NEB: variants seen among roughly 807,000 people sequenced by gnomAD.
NEB encodes nemaline myopathy type 2.
Under a neutral mutation model 952.2 loss-of-function variants are expected in NEB, and 512 were observed. The observed-to-expected ratio is 0.54, with a 90% confidence interval of 0.50 to 0.58. The LOEUF is 0.58. Ranked by LOEUF, NEB falls within the 20% of genes least tolerant of loss-of-function variation. The pLI is 0.00. For missense variants in NEB, 8,428 were observed against 9,231.1 expected (o/e 0.91, Z 3.56); for synonymous variants, 2,900 against 3,149.8 (o/e 0.92, Z 2.66).
chr2:151,509,835 C>T (rs948617781), intron 161 of NEB, among the ~76,000 whole-genome samples: 1 of 152,244 alleles, frequency 6.6e-6, no homozygotes, highest in East Asian at 1.9e-4. Flanking sequence ...GTCTCAATCT[C>T]CTGACCTCAT....
chr2:151,732,362 G>A (rs2151110580), intron 3 of NEB, among the ~76,000 whole-genome samples: 2 of 152,290 alleles, frequency 1.3e-5, no homozygotes, highest in Middle Eastern at 3.4e-3. Context: ...ACAAAAGGAT[G>A]TAAAATAAAT....
Position 151,636,282 on chromosome 2 carries a change from C to G in NEB, c.9047G>C (p.Arg3016Pro). 6.2e-7 allele frequency: 1 copy of G among 1,609,982 alleles called. No individual in the cohort carries two copies. Among genetic ancestry groups the G allele is most frequent in the Non-Finnish European group, 8.5e-7 (1 of 1,179,740 alleles). ...CGCCACGATGGGGATGGCGTCGCTT[C>G]GCAAGTCATAGCCTTTCTTCTTTGC... Reference protein sequence around the residue: ...EEAKKKGYDLRSDAIPIVAAK... With the variant: ...EEAKKKGYDLPSDAIPIVAAK... The change falls in exon 64 of 182, where the codon CGA (arginine) becomes CCA (proline). Residue 3016 changes from arginine to proline, a missense_variant. Around this residue, in one of 11 missense-constraint regions of NEB, gnomAD observed 1,772 missense variants for 1,960.3 expected, o/e 0.90. Transcript: ENST00000397345.
intron 58 of NEB, 55 bp from the exon 59 acceptor site, chr2:151,642,924 C>A: frequency 7.3e-7 from 1 of 1,374,632 alleles, no homozygotes; most frequent in Non-Finnish European, 1.0e-6. Context: ...TAGACACATG[C>A]AGACAGTCTG....
chr2:151,546,287 T>G (rs1576992652), intron 134 of NEB, 58 bp downstream of exon 134: 1 of 1,360,990 alleles, frequency 7.3e-7, no homozygotes. Context: ...TGGAGGCTGG[T>G]GATGGGGGCA....
chr2:151,535,076 T>C (rs2092830117), intron 142 of NEB, among the ~76,000 whole-genome samples: 1 of 152,352 alleles, frequency 6.6e-6, no homozygotes, highest in African/African-American at 2.4e-5. Flanking sequence ...AATAAATTCA[T>C]AGCTTGTTTA....
intron 169 of NEB, among the ~76,000 whole-genome samples, chr2:151,498,732 G>C (rs1462610079): frequency 1.3e-5 from 2 of 151,946 alleles, no homozygotes; most frequent in Non-Finnish European, 1.5e-5. Context: ...AATCACATAG[G>C]GATATTTGGG....
chr2:151,726,933 C>A (rs1210117264), intron 5 of NEB, among the ~76,000 whole-genome samples: 1 of 151,694 alleles, frequency 6.6e-6, no homozygotes, highest in African/African-American at 2.4e-5. Flanking sequence ...TCCTGTAGTC[C>A]TAGCTACTAG....
In NEB at chr2:151,677,659, T is replaced by C; in HGVS notation, c.3680A>G (p.Lys1227Arg). Residue 1227 changes from lysine to arginine, a missense_variant, in exon 34 of 182, where the codon AAG becomes AGG. Coordinates refer to ENST00000397345, the MANE Select transcript of NEB (RefSeq NM_001164508.2). ...GAGGGTGTCTGGATGTTGCCTGTAC[T>C]TCTTTTCATTCAGAGCATCACCGGC... ...KKAGDALNEK[K>R]YRQHPDTLKF... The C allele has an allele frequency of 6.2e-7, 1 of 1,614,002 alleles. No individual in the cohort carries two copies. The highest frequency in any genetic ancestry group is 8.5e-7 in the Non-Finnish European group (1 of 1,179,888).
intron 156 of NEB, 65 bp from the exon 157 acceptor site, chr2:151,516,628 T>C (rs1339138557): frequency 9.5e-7 from 1 of 1,053,226 alleles, no homozygotes; most frequent in Non-Finnish European, 1.4e-6. Context: ...AGTTTAAGGA[T>C]AGTATTTTTT....
rs1259387792 is a variant in NEB, at chr2:151,690,859, GTA to G, written c.2212-36_2212-35del. 3 of 1,442,802 alleles carry G rather than the reference GTA, an allele frequency of 2.1e-6. No homozygotes were observed. The African/African-American group carries it at 4.2e-5, about 20-fold the overall frequency. The allele number at this position is 1,442,802 out of a possible 1,614,324, so 89.4% of individuals were successfully genotyped here. A position where few individuals can be genotyped will look rare whatever the true frequency, so the allele number is the denominator to read the frequency against. ...GAAGATGTTCTTTAATGAAATATCA[GTA>G]TATTCTTGGTTATACATGCGCTAAC... On this transcript the variant is annotated intron_variant, in intron 23 of 181. Transcript: ENST00000397345.
At position 151,678,172 on chromosome 2, in the gene NEB, CT is replaced by C. The variant is rs2099386610; in HGVS notation, c.3270del (p.Asp1091ThrfsTer25). On this transcript the variant is annotated frameshift_variant, in exon 33 of 182. Coordinates refer to ENST00000397345, the MANE Select transcript of NEB (RefSeq NM_001164508.2). LOFTEE classifies it high-confidence loss of function. The part of the protein sequence containing the change: ...RQAASDVQYK[K>X]DYEKAKGKMV... ...ATTTTCCCTTTAGCCTTTTCATAGTCTTTTTTGTACTGAACCTATTGTAAAC... is the reference window on the plus strand; with the variant it reads ...ATTTTCCCTTTAGCCTTTTCATAGTCTTTTTGTACTGAACCTATTGTAAAC... 1.2e-6 allele frequency: 2 copies of C among 1,603,918 alleles called. No individual in the cohort carries two copies. The highest frequency in any genetic ancestry group is 1.7e-6 in the Non-Finnish European group (2 of 1,174,396).
At chr2:151,626,632 G>C (rs2154056308) in intron 70 of NEB, among the ~76,000 whole-genome samples, 1 of 151,744 alleles carries the variant, frequency 6.6e-6, no homozygotes, top group East Asian at 1.9e-4. Flanking sequence ...CGCCTCTCAG[G>C]TTCACACCAT....
At chr2:151,677,809 C>T in intron 33 of NEB, 38 bp from the exon 34 acceptor site, 2 of 1,611,832 alleles carry the variant, frequency 1.2e-6, no homozygotes, top group Non-Finnish European at 1.7e-6. Flanking sequence ...GGGCCTAGGA[C>T]AGGGTTCTTT....
At chr2:151,703,932 C>T (rs1346359079) in intron 13 of NEB, among the ~76,000 whole-genome samples, 133 of 133,102 alleles carry the variant, frequency 1.0e-3, no homozygotes, top group Non-Finnish European at 1.4e-3. Context: ...GGAGGAGAGG[C>T]GCTCTGCGTT....
At chr2:151,657,732 G>A (rs1200691293) in intron 48 of NEB, among the ~76,000 whole-genome samples, 1 of 152,172 alleles carries the variant, frequency 6.6e-6, no homozygotes, top group Non-Finnish European at 1.5e-5. Flanking sequence ...TAGCCTTGGT[G>A]ACAGATTCAA....
Position 151,729,735 on chromosome 2 carries a change from G to C in NEB, c.37-79C>G, listed in dbSNP as rs1254657615. ...TCCTCTGCCTCAGCTGAACCACTTA[G>C]GTGACTGCACTAGCTCGGTTGATTT... On this transcript the variant is annotated intron_variant, in intron 3 of 181. Coordinates refer to ENST00000397345, the MANE Select transcript of NEB (RefSeq NM_001164508.2). 7 of 1,420,722 alleles carry C rather than the reference G, an allele frequency of 4.9e-6. No homozygotes were observed. The East Asian group carries it at 1.4e-4, about 28-fold the overall frequency. 88.0% of individuals were successfully genotyped at this position (1,420,722 alleles called of 1,614,324 possible). A position where few individuals can be genotyped will look rare whatever the true frequency, so the allele number is the denominator to read the frequency against.
rs2099698726 is a variant in NEB, at chr2:151,704,895, CA to C, written c.1152+1985del. 2.0e-5 allele frequency among the ~76,000 whole-genome samples: 3 copies of C among 152,072 alleles called. No homozygotes were observed. In the South Asian group the frequency reaches 6.2e-4, roughly 31 times the overall value. ...GGCCATCTTGGCTCCTCCCCAAACT[CA>C]AAAAATTAAGAAACCAATATGCCAC... On this transcript the variant is annotated intron_variant, in intron 13 of 181. Coordinates refer to ENST00000397345, the MANE Select transcript of NEB (RefSeq NM_001164508.2).
In NEB at chr2:151,555,005, A is replaced by G. The variant is rs2095555754; in HGVS notation, c.19354T>C (p.Tyr6452His). 2 of 1,613,754 alleles carry G rather than the reference A, an allele frequency of 1.2e-6. No homozygotes were observed. Among genetic ancestry groups the G allele is most frequent in the Non-Finnish European group, 1.7e-6 (2 of 1,179,662 alleles). Reference protein sequence around the residue: ...REEYEKFKALYTLPRSVDDDP... With the variant: ...REEYEKFKALHTLPRSVDDDP... Reference sequence around the variant, plus strand: ...TCGTCAACACTTCTTGGTAACGTATAAAGAGCTTTGAACTTTTCATATTCT... The same window carrying G: ...TCGTCAACACTTCTTGGTAACGTATGAAGAGCTTTGAACTTTTCATATTCT... The change falls in exon 125 of 182, where the codon TAT (tyrosine) becomes CAT (histidine). Residue 6452 changes from tyrosine (Y) to histidine (H), a missense_variant. Tyr to His is a moderately conservative substitution (Grantham distance 83). Transcript: ENST00000397345.
intron 36 of NEB, among the ~76,000 whole-genome samples, chr2:151,674,060 G>A (rs998403690): frequency 6.6e-6 from 1 of 152,114 alleles, no homozygotes; most frequent in Admixed American, 6.5e-5. Context: ...TCCTAAAAAA[G>A]TGGACTTTTC....
Sources: gnomAD v4.1 joint callset for allele counts (sites outside exome capture counted in the v4.1 genomes callset) on GRCh38, gnomAD v4.1.1 for gene constraint, gnomAD v4.1.1 regional missense constraint, MANE v1.5 for transcripts, NCBI Gene and HGNC (gene_info 2026-07-23, HGNC 2026-07-21) for gene names.